WWC2: variants seen among roughly 807,000 people sequenced by gnomAD.
The protein encoded by WWC2 is WW and C2 domain containing 2, also known as protein WWC2.
WWC2 carries 101 observed loss-of-function variants against 138.5 expected under a neutral mutation model. That is an observed-to-expected ratio of 0.73 (90% CI 0.62 to 0.86). The LOEUF (loss-of-function observed/expected upper bound fraction) is 0.86, where lower values mean the gene tolerates loss of function less well. Ranked by LOEUF, WWC2 falls within the 40% of genes least tolerant of loss-of-function variation. The pLI is 0.00. For synonymous variants in WWC2, 558 were observed against 538.4 expected (o/e 1.04, Z -0.50); for missense variants, 1,420 against 1,419.4 (o/e 1.00, Z -0.01).
At chr4:183,134,939 T>A (rs959301949) in intron 1 of WWC2, among the ~76,000 whole-genome samples, 2 of 150,412 alleles carry the variant, frequency 1.3e-5, no homozygotes, top group Admixed American at 6.6e-5. Flanking sequence ...TTTATTTTTT[T>A]TTTTTTAAAT....
At chr4:183,190,983 G>A (rs140310124) in intron 1 of WWC2, among the ~76,000 whole-genome samples, 208 of 152,148 alleles carry the variant, frequency 1.4e-3, no homozygotes, top group African/African-American at 4.7e-3. Context: ...TACCGTTCTC[G>A]TGTTTTCTCC....
chr4:183,133,206 G>C (rs1202271266), intron 1 of WWC2, among the ~76,000 whole-genome samples: 1 of 132,588 alleles, frequency 7.5e-6, no homozygotes, highest in Non-Finnish European at 1.6e-5. Flanking sequence ...TGGAGCTAGA[G>C]CACAGTGATG....
chr4:183,181,644 A>G (rs963489419), intron 1 of WWC2, among the ~76,000 whole-genome samples: 6 of 152,180 alleles, frequency 3.9e-5, no homozygotes, highest in Admixed American at 6.5e-5. Flanking sequence ...AAAATACGTT[A>G]CTTGACTGTT....
chr4:183,285,370 T>C (rs1738211750), intron 19 of WWC2, among the ~76,000 whole-genome samples: 1 of 152,144 alleles, frequency 6.6e-6, no homozygotes, highest in Admixed American at 6.6e-5. Flanking sequence ...GAAACAAATA[T>C]CATGTATTAG....
chr4:183,226,780 A>G (rs906608005), intron 4 of WWC2, among the ~76,000 whole-genome samples: 10 of 152,062 alleles, frequency 6.6e-5, no homozygotes, highest in South Asian at 2.1e-4. Context: ...AGTGGACAAT[A>G]TGTCCACACT....
intron 1 of WWC2, among the ~76,000 whole-genome samples, chr4:183,177,244 C>T (rs1734494373): frequency 6.6e-6 from 1 of 152,166 alleles, no homozygotes; most frequent in South Asian, 2.1e-4. Context: ...ACTTCCACAA[C>T]AGGTGTCTCC....
chr4:183,197,259 C>G (rs1735170193), intron 2 of WWC2, among the ~76,000 whole-genome samples: 1 of 151,998 alleles, frequency 6.6e-6, no homozygotes, highest in African/African-American at 2.4e-5. Flanking sequence ...TCTGTTGTAC[C>G]CAAATGACCG....
chr4:183,319,126 T>C lies in WWC2; in HGVS notation c.*3397T>C. The C allele has an allele frequency of 6.2e-6, 1 of 160,418 alleles. No homozygotes were observed. The highest frequency in any genetic ancestry group is 5.8e-5 in the Admixed American group (1 of 17,244). 9.9% of individuals were successfully genotyped at this position (160,418 alleles called of 1,614,324 possible). A position where few individuals can be genotyped will look rare whatever the true frequency, so the allele number is the denominator to read the frequency against. On this transcript the variant is annotated 3_prime_UTR_variant, in exon 23 of 23. Coordinates refer to ENST00000403733, the MANE Select transcript of WWC2 (RefSeq NM_024949.6). ...GCTTCTAAAGAGCTAGTAATTATTT[T>C]ATATAATAAGACGTCATGCATTTTA...
At chr4:183,281,725 AAGATAT>A (rs1267179492) in intron 17 of WWC2, among the ~76,000 whole-genome samples, 5 of 152,146 alleles carry the variant, frequency 3.3e-5, no homozygotes, top group Admixed American at 2.0e-4. Flanking sequence ...GTGATGTAAA[AAGATAT>A]AGATATACTT....
intron 4 of WWC2, among the ~76,000 whole-genome samples, chr4:183,238,688 C>T (rs1197911078): frequency 6.6e-6 from 1 of 152,180 alleles, no homozygotes; most frequent in Non-Finnish European, 1.5e-5. Flanking sequence ...CCCACTAACC[C>T]TCTCAATTGA....
At chr4:183,187,868 C>T (rs961643448) in intron 1 of WWC2, among the ~76,000 whole-genome samples, 3 of 151,468 alleles carry the variant, frequency 2.0e-5, no homozygotes, top group African/African-American at 4.8e-5. Context: ...AGTGAAACTC[C>T]GTCTCAATAA....
intron 1 of WWC2, among the ~76,000 whole-genome samples, chr4:183,157,603 C>T (rs541740527): frequency 2.0e-5 from 3 of 152,226 alleles, no homozygotes; most frequent in East Asian, 3.9e-4. Flanking sequence ...TGGGTTCAAG[C>T]GATTCTCTTG....
intron 1 of WWC2, among the ~76,000 whole-genome samples, chr4:183,127,342 A>G (rs1195354852): frequency 6.6e-6 from 1 of 152,230 alleles, no homozygotes; most frequent in East Asian, 1.9e-4. Context: ...CACAACACAG[A>G]TGGACCTCAA....
chr4:183,192,387 T>G (rs1160427441), intron 1 of WWC2, among the ~76,000 whole-genome samples: 1 of 152,176 alleles, frequency 6.6e-6, no homozygotes, highest in Non-Finnish European at 1.5e-5. Flanking sequence ...CATTATTGCT[T>G]CTGTCTGCTG....
intron 9 of WWC2, among the ~76,000 whole-genome samples, chr4:183,257,526 C>G (rs1737187795): frequency 6.6e-6 from 1 of 152,134 alleles, no homozygotes; most frequent in African/African-American, 2.4e-5. Context: ...GAAACCCTTT[C>G]TCATCCAGCA....
intron 1 of WWC2, among the ~76,000 whole-genome samples, chr4:183,156,568 G>A (rs562830156): frequency 6.6e-6 from 1 of 152,142 alleles, no homozygotes; most frequent in Admixed American, 6.5e-5. Context: ...CTGACCTTGG[G>A]GGATCCACCT....
At chr4:183,209,439 G>T (rs1358778019) in intron 4 of WWC2, among the ~76,000 whole-genome samples, 1 of 152,100 alleles carries the variant, frequency 6.6e-6, no homozygotes, top group African/African-American at 2.4e-5. Flanking sequence ...TGTTGGCCAG[G>T]CTGGTCACAT....
intron 1 of WWC2, among the ~76,000 whole-genome samples, chr4:183,151,023 G>A (rs1001406056): frequency 1.3e-5 from 2 of 152,200 alleles, no homozygotes; most frequent in African/African-American, 4.8e-5. Flanking sequence ...CTTTATATTA[G>A]CATGATTTAT....
At chr4:183,293,872 C>A (rs7695769) in intron 21 of WWC2, among the ~76,000 whole-genome samples, 99,833 of 151,866 alleles carry the variant, frequency 0.66, 33,915 homozygotes, top group Non-Finnish European at 0.75. Context: ...AAAAATAAAC[C>A]GTACAGTATA....
Sources: allele counts gnomAD v4.1 joint callset (sites outside exome capture counted in the v4.1 genomes callset), GRCh38; gene constraint gnomAD v4.1.1; transcripts MANE v1.5; gene names NCBI Gene and HGNC (gene_info 2026-07-23, HGNC 2026-07-21).